NTN5: variants seen among roughly 807,000 people sequenced by gnomAD.
The protein encoded by NTN5 is netrin 5, also known as netrin-5.
NTN5 carries 42 observed loss-of-function variants against 38.7 expected under a neutral mutation model. The observed-to-expected ratio is 1.08, with a 90% CI of 0.85 to 1.40. NTN5 has a LOEUF of 1.40. Ranked by LOEUF, NTN5 falls within the 40% of genes most tolerant of loss-of-function variation. The pLI, the probability that NTN5 is intolerant of heterozygous loss-of-function variation, is 0.00. For missense variants in NTN5, 658 were observed against 716.5 expected, an observed-to-expected ratio of 0.92 and a Z score of 0.93; for synonymous variants, 329 against 303.9, an observed-to-expected ratio of 1.08 and a Z score of -0.86.
At chr19:48,671,933 G>A (rs1420310067) in intron 1 of NTN5, among the ~76,000 whole-genome samples, 2 of 151,800 alleles carry the variant, frequency 1.3e-5, no homozygotes, top group Non-Finnish European at 2.9e-5. Context: ...TCTGGGGCTT[G>A]GGAGCGGGAC....
intron 2 of NTN5, among the ~76,000 whole-genome samples, chr19:48,665,569 C>T (rs919731707): frequency 6.6e-5 from 10 of 152,138 alleles, no homozygotes; most frequent in African/African-American, 2.4e-4. Context: ...GCCTGTAATC[C>T]TAGCACTTTG....
At chr19:48,663,686 C>A in intron 5 of NTN5, 75 bp downstream of exon 5, 1 of 1,532,660 alleles carries the variant, frequency 6.5e-7, no homozygotes, top group Non-Finnish European at 9.0e-7. Flanking sequence ...ACCCATGTAT[C>A]CCCATCTGGG....
chr19:48,664,689 C>G lies in NTN5; in HGVS notation c.710G>C (p.Gly237Ala), dbSNP rs766090776. 29 of 1,609,198 alleles carry G rather than the reference C, an allele frequency of 1.8e-5. No homozygotes were observed. In the African/African-American group the frequency reaches 2.4e-4, roughly 13 times the overall value. Residue 237 changes from glycine (G) to alanine (A), a missense_variant, in exon 3 of 7, where the codon GGT becomes GCT. Transcript: ENST00000270235. ...GTGGTGGCGGCACCGCTCACAAACA[C>G]CCCCACTCCGGCCGCCCGACAGTCT... ...LFRLSGGRSG[G>A]VCERCRHHTA...
chr19:48,663,348 C>G, intron 6 of NTN5, 115 bp downstream of exon 6: 1 of 943,496 alleles, frequency 1.1e-6, no homozygotes, highest in East Asian at 2.4e-5. Context: ...GGTTTGGAAT[C>G]CAACACTCCT....
chr19:48,665,253 T>C (rs1156951301), intron 2 of NTN5, among the ~76,000 whole-genome samples: 1 of 151,382 alleles, frequency 6.6e-6, no homozygotes, highest in Non-Finnish European at 1.5e-5. Context: ...ATGGCCAACA[T>C]GGCGAAAACC....
chr19:48,669,204 C>CCAT (rs201298945), intron 2 of NTN5, among the ~76,000 whole-genome samples: 1 of 40,034 alleles, frequency 2.5e-5, no homozygotes. Context: ...ACCACCATCA[C>CCAT]CATCACCACC....
At chr19:48,667,228 G>C (rs1354365841) in intron 2 of NTN5, 1 of 168,040 alleles carries the variant, frequency 6.0e-6, no homozygotes, top group Non-Finnish European at 1.4e-5. Flanking sequence ...GGAGAACTCA[G>C]ATGAGGGAGA....
intron 2 of NTN5, 131 bp from the exon 3 acceptor site, chr19:48,664,898 C>T (rs1285158766): frequency 4.5e-6 from 3 of 671,192 alleles, no homozygotes; most frequent in Non-Finnish European, 6.8e-6. Flanking sequence ...ATGCCTGGGT[C>T]CCAGGACATC....
At chr19:48,663,907 T>C (rs1250399353) in intron 4 of NTN5, 93 bp from the exon 5 acceptor site, 1 of 1,318,008 alleles carries the variant, frequency 7.6e-7, no homozygotes, top group Non-Finnish European at 1.1e-6. Context: ...AACTCTTAAG[T>C]GTTTATTCCT....
In NTN5 at chr19:48,661,963, TAAACGGCCAGCACGC is replaced by T. The variant is rs758289144; in HGVS notation, c.1169_1183del (p.Arg390_Tyr395delinsHis). 34 of 1,460,652 alleles carry T rather than the reference TAAACGGCCAGCACGC, an allele frequency of 2.3e-5. No individual in the cohort carries two copies. The African/African-American group carries it at 4.9e-4, about 21-fold the overall frequency. The allele number at this position is 1,460,652 out of a possible 1,614,324, so 90.5% of individuals were successfully genotyped here. A position where few individuals can be genotyped will look rare whatever the true frequency, so the allele number is the denominator to read the frequency against. On this transcript the variant is annotated inframe_deletion, in exon 7 of 7. Transcript: ENST00000270235. ...TCGCACGGGCTGCGCCCGCTGCTTG[TAAACGGCCAGCACGC>T]GCACGGCCAGCCGCTGCCATGCCGG...
chr19:48,669,760 TCAC>T (rs1225002777), intron 2 of NTN5, among the ~76,000 whole-genome samples: 5 of 24,732 alleles, frequency 2.0e-4, no homozygotes, highest in Non-Finnish European at 2.7e-4. Flanking sequence ...ATCACCATCG[TCAC>T]CACTACCATC....
At chr19:48,671,084 G>A (rs2122146876) in intron 1 of NTN5, 78 bp from the exon 2 acceptor site, 3 of 1,163,564 alleles carry the variant, frequency 2.6e-6, no homozygotes, top group Non-Finnish European at 3.5e-6. Context: ...TGTGGAACTG[G>A]GGCATTCCAC....
intron 3 of NTN5, 83 bp downstream of exon 3, chr19:48,664,496 A>G (rs987032734): frequency 5.2e-6 from 7 of 1,339,658 alleles, no homozygotes; most frequent in Non-Finnish European, 6.9e-6. Flanking sequence ...CCAGGAATCC[A>G]GGCCCCCAGC....
intron 6 of NTN5, chr19:48,663,062 AGT>A: frequency 7.9e-6 from 3 of 381,242 alleles, no homozygotes; most frequent in South Asian, 2.0e-5. Context: ...CCGTGGGACA[AGT>A]CTTTATGGGA....
Position 48,664,594 on chromosome 19 carries a change from G to T in NTN5, c.805C>A (p.Arg269Ser), listed in dbSNP as rs114909456. 1 of 1,612,632 alleles carries T rather than the reference G, an allele frequency of 6.2e-7. No individual in the cohort carries two copies. The highest frequency in any genetic ancestry group is 2.2e-5 in the East Asian group (1 of 44,858). The stretch of plus-strand genomic sequence containing the variant: ...CCACACTCACCTCTGCAGGCCCTGC[G>T]GCTGAAGATAGGCTGGCTAGGGTCC... ...WRDPSQPIFS[R>S]RACRACQCHP... Residue 269 changes from arginine (R) to serine (S), a missense_variant, in exon 3 of 7, where the codon CGC becomes AGC. By Grantham distance (110) the Arg-to-Ser change is moderately radical. Transcript: ENST00000270235.
At chr19:48,663,855 C>G (rs764147315) in intron 4 of NTN5, 41 bp from the exon 5 acceptor site, 5 of 1,588,824 alleles carry the variant, frequency 3.1e-6, no homozygotes, top group Admixed American at 3.3e-5. Context: ...AGTCATTTCC[C>G]CCAGGATCCC....
chr19:48,663,306 C>T (rs1415653341), intron 6 of NTN5, 157 bp downstream of exon 6: 1 of 749,852 alleles, frequency 1.3e-6, no homozygotes, highest in African/African-American at 1.7e-5. Context: ...CCCCATTTGT[C>T]TTCTGCCCCA....
At position 48,661,499 on chromosome 19, in the gene NTN5, C is replaced by T. The variant is rs1356508559; in HGVS notation, c.*178G>A. The T allele has an allele frequency of 3.0e-6, 2 of 675,418 alleles. No individual in the cohort carries two copies. Among genetic ancestry groups the T allele is most frequent in the Non-Finnish European group, 4.3e-6 (2 of 460,982 alleles). The allele number at this position is 675,418 out of a possible 1,614,324, so 41.8% of individuals were successfully genotyped here. A position where few individuals can be genotyped will look rare whatever the true frequency, so the allele number is the denominator to read the frequency against. ...GAGGAAATGTTGGGACCAGAAGTCC[C>T]GCTTGCCGCCTTTTGCTAAAAGTTC... On this transcript the variant is annotated 3_prime_UTR_variant, in exon 7 of 7. Transcript: ENST00000270235.
intron 2 of NTN5, among the ~76,000 whole-genome samples, chr19:48,669,981 T>TCACACCACCAC (rs2031905522): frequency 1.0e-4 from 1 of 9,692 alleles, no homozygotes; most frequent in Non-Finnish European, 2.1e-4. Context: ...ATCATCACCA[T>TCACACCACCAC]CATCACCACC....
Sources: allele counts gnomAD v4.1 joint callset (sites outside exome capture counted in the v4.1 genomes callset), GRCh38; gene constraint gnomAD v4.1.1; transcripts MANE v1.5; gene names NCBI Gene and HGNC (gene_info 2026-07-23, HGNC 2026-07-21).